The following GALNT14 variants were observed in gnomAD, a reference collection of about 807,000 sequenced individuals.
GALNT14 encodes polypeptide N-acetylgalactosaminyltransferase 14.
Under a neutral mutation model 77.5 loss-of-function variants are expected in GALNT14, and 60 were observed. That is an observed-to-expected ratio of 0.77 (90% confidence interval 0.63 to 0.96). GALNT14 has a LOEUF of 0.96. GALNT14 is among the 40% of genes least tolerant of loss of function. The pLI is 0.00. For missense variants in GALNT14, 710 were observed against 731.0 expected (o/e 0.97, Z 0.33); for synonymous variants, 280 against 281.7 (o/e 0.99, Z 0.06).
chr2:30,970,925 G>A (rs986890736), intron 2 of GALNT14, among the ~76,000 whole-genome samples: 5 of 152,152 alleles, frequency 3.3e-5, no homozygotes, highest in Admixed American at 6.5e-5. Flanking sequence ...TCAGAATCTC[G>A]CTCAAGGTGG....
intron 2 of GALNT14, among the ~76,000 whole-genome samples, chr2:30,983,245 C>A (rs939837626): frequency 2.0e-5 from 3 of 152,164 alleles, no homozygotes; most frequent in African/African-American, 7.2e-5. Context: ...GTAGCTCCCA[C>A]TTGTCCACCT....
chr2:30,905,430 C>G, the GALNT14 span, among the ~76,000 whole-genome samples: 2 of 152,002 alleles, frequency 1.3e-5, no homozygotes, highest in Non-Finnish European at 2.9e-5. Flanking sequence ...GCCTCAGGAG[C>G]CGATGCGATC....
chr2:30,989,583 A>ATATATATATATATAT lies in GALNT14; in HGVS notation c.299+3254_299+3255insATATATATATATATA, dbSNP rs56703340. On this transcript the variant is annotated intron_variant, in intron 2 of 14. Coordinates refer to ENST00000349752, the MANE Select transcript of GALNT14 (RefSeq NM_024572.4). ...CCTTATATATATATATATATATATA[A>ATATATATATATATAT]AAATATATATATTAGTAGATATATA... 8.8e-3 allele frequency among the ~76,000 whole-genome samples: 808 copies of ATATATATATATATAT among 91,602 alleles called. 21 individuals carry two copies. The highest frequency in any genetic ancestry group is 0.043 in the East Asian group (138 of 3,210). 60.1% of individuals were successfully genotyped at this position (91,602 alleles called of 152,430 possible).
chr2:30,932,629 C>T lies in GALNT14; in HGVS notation c.932-435G>A, dbSNP rs141680197. 9.2e-5 allele frequency among the ~76,000 whole-genome samples: 14 copies of T among 152,274 alleles called. No individual in the cohort carries two copies. In the East Asian group the frequency reaches 2.5e-3, roughly 27 times the overall value. On this transcript the variant is annotated intron_variant, in intron 9 of 14. Transcript: ENST00000349752. ...GGACCAAGGAGAAAGAAATTTCAAT[C>T]GAGAATACGGGAGAATTTTCTAACA...
At chr2:31,095,575 ATTTTGAAGCT>A (rs1412720787) in intron 1 of GALNT14, among the ~76,000 whole-genome samples, 1 of 152,128 alleles carries the variant, frequency 6.6e-6, no homozygotes, top group African/African-American at 2.4e-5. Flanking sequence ...TGAAAAAGAA[ATTTTGAAGCT>A]TTTGACCCTC....
chr2:30,895,525 G>C, the GALNT14 span, among the ~76,000 whole-genome samples: 1 of 152,092 alleles, frequency 6.6e-6, no homozygotes, highest in Non-Finnish European at 1.5e-5. Context: ...TAAACAATTA[G>C]TGTAAAGTTC....
intron 9 of GALNT14, among the ~76,000 whole-genome samples, chr2:30,934,330 C>T (rs1189825726): frequency 6.6e-6 from 1 of 152,174 alleles, no homozygotes; most frequent in African/African-American, 2.4e-5. Flanking sequence ...TCTCCAGAGA[C>T]TCAAAACAGG....
chr2:31,060,772 GAAGACAGCC>G (rs1674542553), intron 1 of GALNT14, among the ~76,000 whole-genome samples: 1 of 152,122 alleles, frequency 6.6e-6, no homozygotes, highest in Admixed American at 6.5e-5. Flanking sequence ...TGAGGGGCCC[GAAGACAGCC>G]AATTCTGCAG....
At chr2:31,130,386 A>G (rs1367750877) in intron 1 of GALNT14, among the ~76,000 whole-genome samples, 2 of 152,328 alleles carry the variant, frequency 1.3e-5, no homozygotes, top group Non-Finnish European at 2.9e-5. Context: ...AGCAGAGGGC[A>G]GAGGGCCAGC....
At chr2:31,058,262 C>T (rs1021152890) in intron 1 of GALNT14, among the ~76,000 whole-genome samples, 1 of 152,176 alleles carries the variant, frequency 6.6e-6, no homozygotes, top group Non-Finnish European at 1.5e-5. Flanking sequence ...GAGCCTCAGC[C>T]CCTGACCCGT....
chr2:31,011,280 C>T (rs1249218250), intron 1 of GALNT14, among the ~76,000 whole-genome samples: 1 of 152,194 alleles, frequency 6.6e-6, no homozygotes, highest in African/African-American at 2.4e-5. Flanking sequence ...GCCAGGCATA[C>T]TTTTAGCACT....
intron 1 of GALNT14, chr2:31,078,872 TAGGGCAAAGC>T: frequency 7.8e-7 from 1 of 1,274,076 alleles, no homozygotes; most frequent in Non-Finnish European, 1.0e-6. Flanking sequence ...CAGGGGAAAG[TAGGGCAAAGC>T]AGGGTTTGGG....
At chr2:30,996,887 G>C (rs1670070246) in intron 1 of GALNT14, among the ~76,000 whole-genome samples, 1 of 152,248 alleles carries the variant, frequency 6.6e-6, no homozygotes, top group African/African-American at 2.4e-5. Flanking sequence ...CATACTGGGA[G>C]CTGGGCTTTT....
Position 31,093,106 on chromosome 2 carries a change from G to T in GALNT14, c.129+44852C>A, listed in dbSNP as rs1048062754. Among the ~76,000 whole-genome samples the T allele has an allele frequency of 2.6e-5, 4 of 152,278 alleles. No individual in the cohort carries two copies. In the South Asian group the frequency reaches 8.3e-4, roughly 32 times the overall value. The stretch of plus-strand genomic sequence containing the variant: ...AGATCAGGGTGAGAATGAGAGAGAG[G>T]ACAGGGTGCTATGTGTACGGCTGAA... On this transcript the variant is annotated intron_variant, in intron 1 of 14. Transcript: ENST00000349752.
intron 9 of GALNT14, among the ~76,000 whole-genome samples, chr2:30,941,861 G>A (rs1431136150): frequency 6.6e-6 from 1 of 152,188 alleles, no homozygotes; most frequent in African/African-American, 2.4e-5. Context: ...GCTCAAGCCT[G>A]TATCTGACCC....
intron 1 of GALNT14, among the ~76,000 whole-genome samples, chr2:31,032,047 C>A (rs1229486251): frequency 1.3e-5 from 2 of 152,222 alleles, no homozygotes; most frequent in African/African-American, 4.8e-5. Context: ...TTATGGAAGG[C>A]CATGATGAAA....
intron 1 of GALNT14, among the ~76,000 whole-genome samples, chr2:31,134,880 T>G (rs1573397480): frequency 6.6e-6 from 1 of 152,336 alleles, no homozygotes; most frequent in Admixed American, 6.5e-5. Flanking sequence ...TTGGACAGCT[T>G]GGTTAGCTTG....
chr2:31,013,098 G>T (rs988029506), intron 1 of GALNT14, among the ~76,000 whole-genome samples: 3 of 152,200 alleles, frequency 2.0e-5, no homozygotes, highest in African/African-American at 7.2e-5. Flanking sequence ...CTCTTGAGCA[G>T]TGGGACCTTG....
At chr2:31,105,153 A>T (rs928540133) in intron 1 of GALNT14, among the ~76,000 whole-genome samples, 5 of 152,172 alleles carry the variant, frequency 3.3e-5, no homozygotes, top group Non-Finnish European at 5.9e-5. Flanking sequence ...GTATCTATTC[A>T]TTCACTTATT....
Sources: gnomAD v4.1 joint callset for allele counts (sites outside exome capture counted in the v4.1 genomes callset) on GRCh38, gnomAD v4.1.1 for gene constraint, MANE v1.5 for transcripts, NCBI Gene and HGNC (gene_info 2026-07-23, HGNC 2026-07-21) for gene names.